OPRD1: variants seen among roughly 807,000 people sequenced by gnomAD.
OPRD1 encodes opioid receptor delta 1, also known as delta-type opioid receptor.
OPRD1 carries 19 observed loss-of-function variants against 17.5 expected under a neutral mutation model. The ratio of observed to expected loss-of-function variants is 1.09; its 90% CI spans 0.76 to 1.60. The LOEUF is 1.60. Ranked by LOEUF, OPRD1 falls within the 40% of genes most tolerant of loss-of-function variation. OPRD1 has a pLI of 0.00. For missense variants in OPRD1, 483 were observed against 547.2 expected, an observed-to-expected ratio of 0.88 and a Z score of 1.17; for synonymous variants, 256 against 240.9, an observed-to-expected ratio of 1.06 and a Z score of -0.58.
intron 1 of OPRD1, among the ~76,000 whole-genome samples, chr1:28,854,886 G>A (rs773045998): frequency 2.6e-5 from 4 of 151,670 alleles, no homozygotes; most frequent in Non-Finnish European, 2.9e-5. Context: ...TCCTGACCTC[G>A]TGATCCACCC....
chr1:28,835,118 G>T (rs938959321), intron 1 of OPRD1, among the ~76,000 whole-genome samples: 4 of 152,154 alleles, frequency 2.6e-5, no homozygotes, highest in African/African-American at 9.7e-5. Context: ...TTGTACAAAG[G>T]ACCTGTCCTA....
At chr1:28,839,652 C>A (rs891725139) in intron 1 of OPRD1, among the ~76,000 whole-genome samples, 2 of 152,084 alleles carry the variant, frequency 1.3e-5, no homozygotes, top group Non-Finnish European at 2.9e-5. Context: ...GATTTTAGGT[C>A]TCTTGCCCCC....
At chr1:28,860,100 C>A (rs1462702239) in intron 2 of OPRD1, among the ~76,000 whole-genome samples, 1 of 152,204 alleles carries the variant, frequency 6.6e-6, no homozygotes, top group Non-Finnish European at 1.5e-5. Flanking sequence ...TGCAGTGGCT[C>A]ATGCCTGTAA....
intron 1 of OPRD1, among the ~76,000 whole-genome samples, chr1:28,840,789 G>A (rs1299754377): frequency 6.6e-6 from 1 of 152,096 alleles, no homozygotes; most frequent in Admixed American, 6.6e-5. Flanking sequence ...GGGCATAGTG[G>A]TGGGCAGCGG....
At chr1:28,823,482 C>T (rs190386237) in intron 1 of OPRD1, among the ~76,000 whole-genome samples, 236 of 152,044 alleles carry the variant, frequency 1.6e-3, no homozygotes, top group African/African-American at 5.0e-3. Flanking sequence ...CTGCAACCTC[C>T]GCCTCCTGGG....
intron 1 of OPRD1, among the ~76,000 whole-genome samples, chr1:28,830,557 T>C (rs942065466): frequency 6.6e-6 from 1 of 151,890 alleles, no homozygotes; most frequent in African/African-American, 2.4e-5. Context: ...ACAAAAACAC[T>C]AATCACAGAT....
chr1:28,852,271 A>G (rs558770643), intron 1 of OPRD1, among the ~76,000 whole-genome samples: 2 of 152,144 alleles, frequency 1.3e-5, no homozygotes, highest in South Asian at 4.1e-4. Flanking sequence ...GAACTGGTAG[A>G]TTATGCAATT....
chr1:28,852,577 A>G (rs77133677), intron 1 of OPRD1, among the ~76,000 whole-genome samples: 2 of 152,128 alleles, frequency 1.3e-5, no homozygotes, highest in African/African-American at 4.8e-5. Context: ...GTCTGAGGCC[A>G]GAGAATCGTT....
chr1:28,858,879 A>G (rs892820142), intron 1 of OPRD1, 75 bp from the exon 2 acceptor site: 4 of 1,393,976 alleles, frequency 2.9e-6, no homozygotes, highest in Non-Finnish European at 4.0e-6. Flanking sequence ...TAGGAAAGCT[A>G]CTTCCCTTCC....
At chr1:28,824,525 A>G (rs1030231465) in intron 1 of OPRD1, among the ~76,000 whole-genome samples, 6 of 150,920 alleles carry the variant, frequency 4.0e-5, no homozygotes, top group East Asian at 2.0e-4. Context: ...TCACCGTGTT[A>G]GCCAGGATGG....
chr1:28,844,470 T>C (rs1416897717), intron 1 of OPRD1, among the ~76,000 whole-genome samples: 1 of 152,024 alleles, frequency 6.6e-6, no homozygotes, highest in African/African-American at 2.4e-5. Context: ...TTTGTATTTT[T>C]TGTAGAGATG....
At chr1:28,832,581 C>T (rs573850836) in intron 1 of OPRD1, among the ~76,000 whole-genome samples, 27 of 151,712 alleles carry the variant, frequency 1.8e-4, no homozygotes, top group Non-Finnish European at 3.2e-4. Flanking sequence ...TGCGCCACTG[C>T]ACTCTAGCCT....
At chr1:28,826,165 C>T (rs2088767562) in intron 1 of OPRD1, among the ~76,000 whole-genome samples, 1 of 152,140 alleles carries the variant, frequency 6.6e-6, no homozygotes, top group South Asian at 2.1e-4. Flanking sequence ...GGTTCCAGAC[C>T]ACTGCAATAA....
intron 1 of OPRD1, among the ~76,000 whole-genome samples, chr1:28,824,167 A>G (rs1232653255): frequency 6.9e-6 from 1 of 145,620 alleles, no homozygotes; most frequent in Non-Finnish European, 1.5e-5. Context: ...TGACAGAGTG[A>G]GAACCTATCT....
chr1:28,812,485 G>T lies in OPRD1; in HGVS notation c.102G>T (p.Ala34=), dbSNP rs550318889. The T allele has an allele frequency of 1.3e-6, 2 of 1,550,128 alleles. No individual in the cohort carries two copies. Among genetic ancestry groups the T allele is most frequent in the Non-Finnish European group, 8.6e-7 (1 of 1,156,714 alleles). The change falls in exon 1 of 3, where the codon GCG becomes GCT. Residue 34 remains alanine (A), a synonymous_variant. Coordinates refer to ENST00000234961, the MANE Select transcript of OPRD1 (RefSeq NM_000911.4). ...CCTGCCCCAGCGCTGGCGCCAATGC[G>T]TCGGGGCCGCCAGGCGCGCGGAGCG... is the stretch of plus-strand genomic sequence containing the variant. The part of the protein sequence containing the change: ...PSACPSAGAN[A]SGPPGARSAS...
At chr1:28,817,859 C>T (rs918909350) in intron 1 of OPRD1, among the ~76,000 whole-genome samples, 2 of 149,832 alleles carry the variant, frequency 1.3e-5, no homozygotes, top group Non-Finnish European at 3.0e-5. Flanking sequence ...CGCTCGCCAC[C>T]ACGCCCAACT....
In OPRD1 at chr1:28,855,979, A is replaced by G. The variant is rs577798124; in HGVS notation, c.228-2975A>G. Among the ~76,000 whole-genome samples, 12 of 152,352 alleles carry G rather than the reference A, an allele frequency of 7.9e-5. No individual in the cohort carries two copies. In the South Asian group the frequency reaches 2.3e-3, roughly 29 times the overall value. On this transcript the variant is annotated intron_variant, in intron 1 of 2. Coordinates refer to ENST00000234961, the MANE Select transcript of OPRD1 (RefSeq NM_000911.4). ...CAATTTCTTTTCAACCAAAAATACC[A>G]GTCACTTCATGCAGGAACAGCCTTA...
chr1:28,866,170 T>C lies in OPRD1; in HGVS notation c.*2887T>C, dbSNP rs1290516579. ...GAAAGCCTGAGCCAGTGTTGGGAGA[T>C]AAAGCATCAACAGATGATTGCACCT... On this transcript the variant is annotated 3_prime_UTR_variant, in exon 3 of 3. Coordinates refer to ENST00000234961, the MANE Select transcript of OPRD1 (RefSeq NM_000911.4). 1 of 152,218 alleles carries C rather than the reference T, an allele frequency of 6.6e-6. No homozygotes were observed. Among genetic ancestry groups the C allele is most frequent in the African/African-American group, 2.4e-5 (1 of 41,442 alleles). 9.4% of individuals were successfully genotyped at this position (152,218 alleles called of 1,614,324 possible).
intron 1 of OPRD1, among the ~76,000 whole-genome samples, chr1:28,845,712 T>TA (rs1053172386): frequency 6.6e-6 from 1 of 152,224 alleles, no homozygotes; most frequent in African/African-American, 2.4e-5. Flanking sequence ...TTTTAGCTCT[T>TA]ACATCTTTGA....
Sources: allele counts gnomAD v4.1 joint callset (sites outside exome capture counted in the v4.1 genomes callset), GRCh38; gene constraint gnomAD v4.1.1; transcripts MANE v1.5; gene names NCBI Gene and HGNC (gene_info 2026-07-23, HGNC 2026-07-21).